The following GPC5 variants were observed in gnomAD, a reference collection of about 807,000 sequenced individuals.
GPC5 encodes glypican 5.
A neutral mutation model predicts 53.9 loss-of-function variants in GPC5; 47 were observed. The ratio of observed to expected loss-of-function variants is 0.87; its 90% CI spans 0.69 to 1.11. The LOEUF is 1.11. Ranked by LOEUF, GPC5 falls within the 50% of genes most tolerant of loss-of-function variation. GPC5 has a pLI of 0.00. For synonymous variants in GPC5, 286 were observed against 263.3 expected, an observed-to-expected ratio of 1.09 and a Z score of -0.84; for missense variants, 748 against 713.1, an observed-to-expected ratio of 1.05 and a Z score of -0.56.
At chr13:91,430,792 C>T (rs970702161) in intron 1 of GPC5, among the ~76,000 whole-genome samples, 1 of 152,124 alleles carries the variant, frequency 6.6e-6, no homozygotes, top group African/African-American at 2.4e-5. Context: ...AGCATCTGGG[C>T]AACACGATTT....
chr13:92,261,893 G>A (rs984103958), intron 7 of GPC5, among the ~76,000 whole-genome samples: 3 of 152,094 alleles, frequency 2.0e-5, no homozygotes, highest in Non-Finnish European at 4.4e-5. Flanking sequence ...AATCTTAAGT[G>A]CAATGTCATT....
intron 7 of GPC5, among the ~76,000 whole-genome samples, chr13:92,861,600 C>G (rs1043727202): frequency 6.6e-6 from 1 of 152,144 alleles, no homozygotes; most frequent in Non-Finnish European, 1.5e-5. Flanking sequence ...ACTATTTTTA[C>G]GTTCAAGACA....
At chr13:92,644,244 G>A (rs539925406) in intron 7 of GPC5, among the ~76,000 whole-genome samples, 1 of 152,228 alleles carries the variant, frequency 6.6e-6, no homozygotes, top group Non-Finnish European at 1.5e-5. Context: ...TATTTACTTA[G>A]ATAAGAGGTG....
rs956695276 is a variant in GPC5 at position 91,635,212 on chromosome 13, G to A, written c.326-57975G>A. 2.0e-5 allele frequency among the ~76,000 whole-genome samples: 3 copies of A among 152,104 alleles called. No homozygotes were observed. The East Asian group carries it at 5.8e-4, about 29-fold the overall frequency. ...TTAATGAATGTATTTTCCAGAAAAA[G>A]CCCTTTTATTTTGTATAGAAGCCTA... On this transcript the variant is annotated intron_variant, in intron 2 of 7. Coordinates refer to ENST00000377067, the MANE Select transcript of GPC5 (RefSeq NM_004466.6).
intron 3 of GPC5, among the ~76,000 whole-genome samples, chr13:91,718,244 G>A (rs1038716743): frequency 1.3e-5 from 2 of 152,048 alleles, no homozygotes; most frequent in Non-Finnish European, 2.9e-5. Context: ...TGGAGTAGCT[G>A]GGACTACAGG....
intron 7 of GPC5, among the ~76,000 whole-genome samples, chr13:92,207,263 T>G (rs903225959): frequency 1.3e-5 from 2 of 152,178 alleles, no homozygotes; most frequent in Non-Finnish European, 2.9e-5. Context: ...ACAGCTCCAT[T>G]CACTTTCCAC....
intron 6 of GPC5, among the ~76,000 whole-genome samples, chr13:92,120,433 A>T (rs1045330305): frequency 3.3e-5 from 5 of 151,864 alleles, no homozygotes; most frequent in African/African-American, 1.2e-4. Flanking sequence ...ATTTTTTAAA[A>T]TTTTTTTGTA....
At chr13:92,079,330 G>C (rs1349606641) in intron 6 of GPC5, among the ~76,000 whole-genome samples, 5 of 152,096 alleles carry the variant, frequency 3.3e-5, no homozygotes, top group Non-Finnish European at 7.4e-5. Flanking sequence ...GATTACAGGC[G>C]TAAGCCACCA....
At chr13:91,658,788 C>T (rs1208011606) in intron 2 of GPC5, among the ~76,000 whole-genome samples, 3 of 152,158 alleles carry the variant, frequency 2.0e-5, no homozygotes, top group Non-Finnish European at 4.4e-5. Context: ...ACCCTGGATT[C>T]TCTTAGTGTC....
intron 2 of GPC5, among the ~76,000 whole-genome samples, chr13:91,556,066 A>G (rs533509701): frequency 7.2e-6 from 1 of 138,276 alleles, no homozygotes; most frequent in African/African-American, 3.0e-5. Context: ...TTTCATAGCC[A>G]TACCCCTATC....
chr13:91,892,675 G>A (rs766063044), intron 5 of GPC5, among the ~76,000 whole-genome samples: 4 of 151,564 alleles, frequency 2.6e-5, no homozygotes, highest in Non-Finnish European at 5.9e-5. Context: ...AACTTGTTAT[G>A]TCTTAATAGA....
chr13:92,621,774 G>A (rs954980472), intron 7 of GPC5, among the ~76,000 whole-genome samples: 3 of 151,894 alleles, frequency 2.0e-5, no homozygotes, highest in Admixed American at 6.6e-5. Flanking sequence ...AACTGAGATC[G>A]CACCATTACA....
chr13:92,840,320 A>G (rs1054302696), intron 7 of GPC5, among the ~76,000 whole-genome samples: 1 of 151,776 alleles, frequency 6.6e-6, no homozygotes, highest in African/African-American at 2.4e-5. Flanking sequence ...CTCTTTGGCT[A>G]TTGTGAATAG....
At chr13:92,032,856 A>T (rs2040863668) in intron 6 of GPC5, among the ~76,000 whole-genome samples, 1 of 152,178 alleles carries the variant, frequency 6.6e-6, no homozygotes, top group Non-Finnish European at 1.5e-5. Flanking sequence ...GTCACACTAC[A>T]GGCATCAGTT....
chr13:92,739,130 A>T (rs1889020132), intron 7 of GPC5, among the ~76,000 whole-genome samples: 1 of 152,116 alleles, frequency 6.6e-6, no homozygotes, highest in Non-Finnish European at 1.5e-5. Context: ...TTCTAAGTAC[A>T]CATACAATGT....
In GPC5 at chr13:92,844,632, T is replaced by C. The variant is rs564521359; in HGVS notation, c.1562-21650T>C. 4.6e-5 allele frequency among the ~76,000 whole-genome samples: 7 copies of C among 152,240 alleles called. No homozygotes were observed. The East Asian group carries it at 9.6e-4, about 21-fold the overall frequency. Reference sequence around the variant, plus strand: ...TCACCCTGTACTATGACTTTGGACATAGGCAGTTCACATCATGAAGTAAAA... The same window carrying C: ...TCACCCTGTACTATGACTTTGGACACAGGCAGTTCACATCATGAAGTAAAA... On this transcript the variant is annotated intron_variant, in intron 7 of 7. Coordinates refer to ENST00000377067, the MANE Select transcript of GPC5 (RefSeq NM_004466.6).
chr13:92,725,486 A>G (rs1214039986), intron 7 of GPC5, among the ~76,000 whole-genome samples: 1 of 151,562 alleles, frequency 6.6e-6, no homozygotes, highest in Non-Finnish European at 1.5e-5. Flanking sequence ...CAACTCTAGA[A>G]TCAGTTTATG....
chr13:92,047,937 G>A (rs904123564), intron 6 of GPC5, among the ~76,000 whole-genome samples: 2 of 151,826 alleles, frequency 1.3e-5, no homozygotes, highest in African/African-American at 4.8e-5. Flanking sequence ...GTTGGAGTGA[G>A]CCGAGATCAT....
intron 7 of GPC5, among the ~76,000 whole-genome samples, chr13:92,480,366 T>C (rs2139432221): frequency 6.6e-6 from 1 of 152,276 alleles, no homozygotes; most frequent in South Asian, 2.1e-4. Context: ...TTAAATAATC[T>C]TTATTCTTAG....
Sources: allele counts gnomAD v4.1 joint callset (sites outside exome capture counted in the v4.1 genomes callset), GRCh38; gene constraint gnomAD v4.1.1; transcripts MANE v1.5; gene names NCBI Gene and HGNC (gene_info 2026-07-23, HGNC 2026-07-21).